The following GDA variants were observed in gnomAD, a reference collection of about 807,000 sequenced individuals.
The protein encoded by GDA is guanine deaminase.
Under a neutral mutation model 59.6 loss-of-function variants are expected in GDA, and 18 were observed. That is an observed-to-expected ratio of 0.30 (90% CI 0.21 to 0.45). The LOEUF (loss-of-function observed/expected upper bound fraction) is 0.45, where lower values mean the gene tolerates loss of function less well. Among genes scored for constraint, GDA ranks in the 20% least tolerant of loss-of-function variants. The pLI is 1.00. For synonymous variants in GDA, 201 were observed against 201.1 expected (o/e 1.00, Z 0.00); for missense variants, 427 against 552.3 (o/e 0.77, Z 2.27).
At chr9:72,231,353 G>T (rs1299621695) in intron 10 of GDA, among the ~76,000 whole-genome samples, 172 bp downstream of exon 10, 1 of 151,938 alleles carries the variant, frequency 6.6e-6, no homozygotes, top group Non-Finnish European at 1.5e-5. Flanking sequence ...GAGGCGGGTG[G>T]ATCATGAGGT....
chr9:72,254,453 A>G (rs1840842143), downstream of GDA, among the ~76,000 whole-genome samples: 1 of 149,066 alleles, frequency 6.7e-6, no homozygotes, highest in Non-Finnish European at 1.5e-5. Context: ...GCAATTAAAA[A>G]AAAAACAAAA....
intron 1 of GDA, among the ~76,000 whole-genome samples, chr9:72,131,949 G>T (rs1826040518): frequency 6.6e-6 from 1 of 152,202 alleles, no homozygotes; most frequent in African/African-American, 2.4e-5. Flanking sequence ...ATGACGGAAG[G>T]CAAGAAGGAG....
Position 72,242,289 on chromosome 9 carries a change from T to G in GDA, c.1135+991T>G, listed in dbSNP as rs572608746. ...TAATTACTCTTTAAAAGGATAAAGA[T>G]GTAAAAATTTAGTTGGTTGATATGC... On this transcript the variant is annotated intron_variant, in intron 11 of 13. Transcript: ENST00000358399. Among the ~76,000 whole-genome samples the G allele has an allele frequency of 1.3e-3, 192 of 152,372 alleles. 2 individuals are homozygous for G. The highest frequency in any genetic ancestry group is 2.0e-3 in the Admixed American group (30 of 15,302).
intron 10 of GDA, among the ~76,000 whole-genome samples, chr9:72,237,893 C>T (rs966270922): frequency 7.9e-5 from 12 of 152,102 alleles, no homozygotes; most frequent in African/African-American, 2.7e-4. Flanking sequence ...GTCACTACCA[C>T]CTGATGCAAG....
intron 1 of GDA, among the ~76,000 whole-genome samples, chr9:72,169,735 A>G (rs1829739535): frequency 6.6e-6 from 1 of 152,220 alleles, no homozygotes; most frequent in African/African-American, 2.4e-5. Flanking sequence ...GTTATCATCC[A>G]ACTTCCTATA....
At position 72,249,158 on chromosome 9, in the gene GDA, T is replaced by G. The variant is rs59012814; in HGVS notation, c.*816T>G. On this transcript the variant is annotated 3_prime_UTR_variant, in exon 14 of 14. Transcript: ENST00000358399. ...CTTATAACTGTGAGATGTTATTGCT[T>G]CCATTTTATTAGAAGAGAAACAAAT... The G allele has an allele frequency of 6.8e-4, 673 of 982,760 alleles. 4 individuals are homozygous for G. The African/African-American group carries it at 0.01, about 15-fold the overall frequency. 60.9% of individuals were successfully genotyped at this position (982,760 alleles called of 1,614,324 possible).
At chr9:72,223,025 GT>G in intron 6 of GDA, 94 bp from the exon 7 acceptor site, 2 of 696,356 alleles carry the variant, frequency 2.9e-6, no homozygotes, top group South Asian at 3.5e-5. Context: ...GGTTTTTATA[GT>G]TTTCGGTTTT....
intron 3 of GDA, among the ~76,000 whole-genome samples, chr9:72,210,476 G>A (rs1260772104): frequency 1.3e-5 from 2 of 152,120 alleles, no homozygotes; most frequent in East Asian, 1.9e-4. Flanking sequence ...TGTGTGAATC[G>A]AGAAAAAATC....
chr9:72,184,278 G>C (rs1472789209), intron 1 of GDA, among the ~76,000 whole-genome samples: 1 of 152,044 alleles, frequency 6.6e-6, no homozygotes, highest in African/African-American at 2.4e-5. Context: ...ATGTGGTTTT[G>C]GACACTTGTA....
chr9:72,202,081 C>T (rs1290412625), intron 2 of GDA, among the ~76,000 whole-genome samples: 1 of 152,198 alleles, frequency 6.6e-6, no homozygotes, highest in African/African-American at 2.4e-5. Context: ...TGTAGTCAGA[C>T]AAGATCAAGA....
Position 72,248,431 on chromosome 9 carries a change from G to T in GDA, c.*89G>T. On this transcript the variant is annotated 3_prime_UTR_variant, in exon 14 of 14. Coordinates refer to ENST00000358399, the MANE Select transcript of GDA (RefSeq NM_004293.5). ...GGTGGAGTTAGAAAGTCAAAAAATAGTACCTTGTTCTTGGGATGACTATCC... is the reference window on the plus strand; with the variant it reads ...GGTGGAGTTAGAAAGTCAAAAAATATTACCTTGTTCTTGGGATGACTATCC... 1.3e-6 allele frequency: 2 copies of T among 1,592,978 alleles called. No individual in the cohort carries two copies. The highest frequency in any genetic ancestry group is 1.7e-6 in the Non-Finnish European group (2 of 1,170,084).
At chr9:72,245,403 C>G (rs1305446169) in intron 12 of GDA, 125 bp downstream of exon 12, 13 of 660,854 alleles carry the variant, frequency 2.0e-5, no homozygotes, top group Non-Finnish European at 3.5e-5. Context: ...AAAATGGACG[C>G]TAGAGCCCTT....
At position 72,211,692 on chromosome 9, in the gene GDA, G is replaced by A. The variant is rs538195540; in HGVS notation, c.472+918G>A. ...AAACTGGGCTTTGAAGTAAAGACAA[G>A]ATGAGGAGAGGACAAACTGTCTTCT... On this transcript the variant is annotated intron_variant, in intron 4 of 13. Coordinates refer to ENST00000358399, the MANE Select transcript of GDA (RefSeq NM_004293.5). Among the ~76,000 whole-genome samples, 453 of 152,318 alleles carry A rather than the reference G, an allele frequency of 3.0e-3. 3 individuals are homozygous for A. The highest frequency in any genetic ancestry group is 0.01 in the African/African-American group (435 of 41,582).
intron 1 of GDA, among the ~76,000 whole-genome samples, chr9:72,122,361 A>G (rs542401422): frequency 1.2e-4 from 19 of 152,194 alleles, no homozygotes; most frequent in African/African-American, 3.6e-4. Context: ...CCTTTCCTCA[A>G]CTGTAAGATG....
chr9:72,176,944 G>A (rs1188729487), intron 1 of GDA, among the ~76,000 whole-genome samples: 1 of 152,002 alleles, frequency 6.6e-6, no homozygotes, highest in Non-Finnish European at 1.5e-5. Context: ...TACTAATTCT[G>A]TAGCCCGCGC....
chr9:72,189,513 C>T (rs1216243662), intron 1 of GDA, among the ~76,000 whole-genome samples: 2 of 152,082 alleles, frequency 1.3e-5, no homozygotes, highest in Admixed American at 1.3e-4. Context: ...GCTGGAACAA[C>T]CACTTAAGAC....
chr9:72,155,349 C>T (rs545913941), intron 1 of GDA, among the ~76,000 whole-genome samples: 5 of 152,280 alleles, frequency 3.3e-5, no homozygotes, highest in South Asian at 2.1e-4. Flanking sequence ...TTCAAGTTAT[C>T]GCCCACTGGG....
chr9:72,190,628 C>A (rs1258756368), intron 1 of GDA, among the ~76,000 whole-genome samples: 1 of 152,096 alleles, frequency 6.6e-6, no homozygotes, highest in Non-Finnish European at 1.5e-5. Flanking sequence ...CTCCTAACCC[C>A]TGCATTATTC....
chr9:72,212,248 C>T lies in GDA; in HGVS notation c.472+1474C>T, dbSNP rs897066982. 6.6e-5 allele frequency among the ~76,000 whole-genome samples: 10 copies of T among 152,042 alleles called. No individual in the cohort carries two copies. In the South Asian group the frequency reaches 8.3e-4, roughly 13 times the overall value. On this transcript the variant is annotated intron_variant, in intron 4 of 13. Coordinates refer to ENST00000358399, the MANE Select transcript of GDA (RefSeq NM_004293.5). ...CTGTAATCCTGGCACTTTCGGAGGC[C>T]GAGGCGGGCGGATCATGAGGTCGGG... is the stretch of plus-strand genomic sequence containing the variant.
Sources: gnomAD v4.1 joint callset for allele counts (sites outside exome capture counted in the v4.1 genomes callset) on GRCh38, gnomAD v4.1.1 for gene constraint, MANE v1.5 for transcripts, NCBI Gene and HGNC (gene_info 2026-07-23, HGNC 2026-07-21) for gene names.